Variants in MPPED1 observed in about 807,000 individuals in gnomAD.
MPPED1 encodes the protein metallophosphoesterase domain containing 1.
A neutral mutation model predicts 36.2 loss-of-function variants in MPPED1; 16 were observed. The ratio of observed to expected loss-of-function variants is 0.44; its 90% CI spans 0.30 to 0.67. MPPED1 has a LOEUF of 0.67. Ranked by LOEUF, MPPED1 falls within the 30% of genes least tolerant of loss-of-function variation. The pLI, the probability that MPPED1 is intolerant of heterozygous loss-of-function variation, is 0.10. For missense variants in MPPED1, 307 were observed against 453.4 expected, an observed-to-expected ratio of 0.68 and a Z score of 2.93; for synonymous variants, 199 against 191.3, an observed-to-expected ratio of 1.04 and a Z score of -0.33.
At chr22:43,417,681 G>T (rs552699534) in intron 1 of MPPED1, 1 of 183,946 alleles carries the variant, frequency 5.4e-6, no homozygotes, top group Non-Finnish European at 1.2e-5. Context: ...GGGTTAGTGT[G>T]GTTTCTCTGT....
chr22:43,474,964 G>A lies in MPPED1; in HGVS notation c.632+3G>A, dbSNP rs971895476. On this transcript the variant is annotated splice_donor_region_variant and intron_variant, in intron 4 of 6. Transcript: ENST00000443721. The surrounding 1 kb of genome is among the most constrained non-coding windows in gnomAD (Gnocchi z 5.2). ...TTCCGGATCTATGGCTCCCCATGGT[G>A]AGTGGGCCTGGGTGCTGGTCCTGCC... The A allele has an allele frequency of 6.2e-7, 1 of 1,613,664 alleles. No individual in the cohort carries two copies. Among genetic ancestry groups the A allele is most frequent in the Non-Finnish European group, 8.5e-7 (1 of 1,179,706 alleles).
At chr22:43,430,575 A>G (rs1242915790) in intron 2 of MPPED1, among the ~76,000 whole-genome samples, 1 of 152,216 alleles carries the variant, frequency 6.6e-6, no homozygotes, top group Non-Finnish European at 1.5e-5. Flanking sequence ...AGATCGGTGT[A>G]GGCTGGGGAG....
chr22:43,446,020 A>G (rs1303919929), intron 3 of MPPED1, among the ~76,000 whole-genome samples: 1 of 146,710 alleles, frequency 6.8e-6, no homozygotes, highest in Admixed American at 6.8e-5. Context: ...ACAGGCATGC[A>G]CCACGACACC....
intron 4 of MPPED1, among the ~76,000 whole-genome samples, chr22:43,478,676 T>C (rs1008952918): frequency 6.6e-6 from 1 of 152,146 alleles, no homozygotes; most frequent in Admixed American, 6.5e-5. Flanking sequence ...CCTGGGTGGA[T>C]GACAGCAAGA....
In MPPED1 at chr22:43,474,655, C is replaced by A; in HGVS notation, c.407-81C>A. On this transcript the variant is annotated intron_variant, in intron 3 of 6. Transcript: ENST00000443721. This position sits in a 1 kb window ranked among gnomAD's most constrained non-coding sequence, Gnocchi z 5.2. ...GGAGTTCATGCAGCTTCCTCCTGCC[C>A]GCCCCTCTCTCAGCCGTGCTGTGGC... The A allele has an allele frequency of 6.4e-7, 1 of 1,569,790 alleles. No homozygotes were observed. Among genetic ancestry groups the A allele is most frequent in the Non-Finnish European group, 8.7e-7 (1 of 1,143,692 alleles).
chr22:43,463,855 C>CT (rs1278412935), intron 3 of MPPED1, among the ~76,000 whole-genome samples: 2 of 115,856 alleles, frequency 1.7e-5, no homozygotes, highest in Non-Finnish European at 3.8e-5. Context: ...TTCTTTCTTT[C>CT]TTTCTTTCTT....
intron 3 of MPPED1, among the ~76,000 whole-genome samples, chr22:43,462,373 G>A (rs1930984547): frequency 6.6e-6 from 1 of 152,216 alleles, no homozygotes; most frequent in South Asian, 2.1e-4. Flanking sequence ...CCCACTCCCA[G>A]TGCAGCTCTA....
intron 1 of MPPED1, among the ~76,000 whole-genome samples, chr22:43,416,033 A>G (rs953241105): frequency 2.0e-5 from 3 of 152,336 alleles, no homozygotes; most frequent in African/African-American, 7.2e-5. Flanking sequence ...TGCAAAATAT[A>G]TTGCACTGGC....
chr22:43,438,474 G>A (rs1261096751), intron 3 of MPPED1, among the ~76,000 whole-genome samples: 1 of 152,130 alleles, frequency 6.6e-6, no homozygotes, highest in Non-Finnish European at 1.5e-5. Flanking sequence ...ACAAGAGTGT[G>A]GGGCTGATCC....
At chr22:43,475,089 C>G in intron 4 of MPPED1, 128 bp downstream of exon 4, 2 of 785,350 alleles carry the variant, frequency 2.5e-6, no homozygotes, top group Non-Finnish European at 2.1e-6. Flanking sequence ...AATCTTGACC[C>G]CTTACCCTCT....
At chr22:43,421,498 G>C (rs1157873765) in intron 1 of MPPED1, among the ~76,000 whole-genome samples, 1 of 152,214 alleles carries the variant, frequency 6.6e-6, no homozygotes, top group Non-Finnish European at 1.5e-5. Context: ...GGGCAAAGAC[G>C]GGTGGGGGCC....
At chr22:43,417,052 T>C (rs555849550) in intron 1 of MPPED1, 2 of 980,296 alleles carry the variant, frequency 2.0e-6, no homozygotes, top group African/African-American at 3.5e-5. Context: ...TAAAAGTACA[T>C]AATTGGAAAA....
chr22:43,463,872 T>TTTCTTTCG (rs893396989), intron 3 of MPPED1, among the ~76,000 whole-genome samples: 1 of 148,902 alleles, frequency 6.7e-6, no homozygotes, highest in Non-Finnish European at 1.5e-5. Flanking sequence ...TCTTTCTTTC[T>TTTCTTTCG]TTCTCTTTCT....
In MPPED1 at chr22:43,502,810, C is replaced by T. The variant is rs903001065; in HGVS notation, c.862+53C>T. 1.4e-6 allele frequency: 2 copies of T among 1,463,922 alleles called. No individual in the cohort carries two copies. The highest frequency in any genetic ancestry group is 1.7e-4 in the Middle Eastern group (1 of 5,792). 90.7% of individuals were successfully genotyped at this position (1,463,922 alleles called of 1,614,324 possible). A position where few individuals can be genotyped will look rare whatever the true frequency, so the allele number is the denominator to read the frequency against. On this transcript the variant is annotated intron_variant, in intron 6 of 6. Coordinates refer to ENST00000443721, the MANE Select transcript of MPPED1 (RefSeq NM_001044370.2). This position sits in a 1 kb window ranked among gnomAD's most constrained non-coding sequence, Gnocchi z 5.5. ...CACGGGCTAGGGGCTCCTAATGGAC[C>T]CTCCAGCAGGACCTCCCCTTCGTTC...
At chr22:43,429,965 C>T (rs952856281) in intron 2 of MPPED1, among the ~76,000 whole-genome samples, 3 of 152,094 alleles carry the variant, frequency 2.0e-5, no homozygotes, top group Non-Finnish European at 4.4e-5. Flanking sequence ...GGCCAGGGTC[C>T]CCTTGGACGC....
At chr22:43,470,624 A>G (rs1931343068) in intron 3 of MPPED1, among the ~76,000 whole-genome samples, 1 of 152,228 alleles carries the variant, frequency 6.6e-6, no homozygotes, top group Non-Finnish European at 1.5e-5. Context: ...GCGGGGTAGC[A>G]TGATGGTGCA....
chr22:43,503,440 T>TG (rs1394178271), intron 6 of MPPED1, among the ~76,000 whole-genome samples: 1 of 152,212 alleles, frequency 6.6e-6, no homozygotes, highest in East Asian at 1.9e-4. Flanking sequence ...GTGGGATGTC[T>TG]GGACTGACGT....
Position 43,505,598 on chromosome 22 carries a change from C to A in MPPED1, c.963C>A (p.Pro321=), listed in dbSNP as rs1404400989. 6.2e-7 allele frequency: 1 copy of A among 1,611,106 alleles called. No individual in the cohort carries two copies. ...PVNPPIVIDL[P]TPRNS ...ACCCGCCCATAGTCATCGACCTCCC[C>A]ACACCCCGGAACTCCTGACTGCTCC... The change falls in exon 7 of 7, where the codon CCC becomes CCA. Residue 321 remains proline (P), a synonymous_variant. Coordinates refer to ENST00000443721, the MANE Select transcript of MPPED1 (RefSeq NM_001044370.2).
At chr22:43,436,363 G>T (rs1325323423) in intron 3 of MPPED1, among the ~76,000 whole-genome samples, 2 of 152,240 alleles carry the variant, frequency 1.3e-5, no homozygotes, top group East Asian at 3.9e-4. Flanking sequence ...TGTGCAGTTG[G>T]CTGGGACTGC....
Sources: gnomAD v4.1 joint callset for allele counts (sites outside exome capture counted in the v4.1 genomes callset) on GRCh38, gnomAD v4.1.1 for gene constraint, Gnocchi (gnomAD v3.1) non-coding constraint, MANE v1.5 for transcripts, NCBI Gene and HGNC (gene_info 2026-07-23, HGNC 2026-07-21) for gene names.